ZNF664: variants seen among roughly 807,000 people sequenced by gnomAD.
ZNF664 encodes zinc finger protein 664.
Under a neutral mutation model 18.2 loss-of-function variants are expected in ZNF664, and 10 were observed. The ratio of observed to expected loss-of-function variants is 0.55; its 90% CI spans 0.34 to 0.93. The LOEUF (loss-of-function observed/expected upper bound fraction) is 0.93. Ranked by LOEUF, ZNF664 falls within the 40% of genes least tolerant of loss-of-function variation. The pLI is 0.02. For missense variants in ZNF664, 193 were observed against 319.0 expected, an observed-to-expected ratio of 0.61 and a Z score of 3.01; for synonymous variants, 119 against 104.2, an observed-to-expected ratio of 1.14 and a Z score of -0.86.
chr12:123,975,421 TAA>T (rs79980583), intron 2 of ZNF664, among the ~76,000 whole-genome samples: 102 of 138,532 alleles, frequency 7.4e-4, no homozygotes, highest in Non-Finnish European at 8.2e-4. Flanking sequence ...TCCTCTTCAT[TAA>T]AAAAAAAAAA....
chr12:124,013,486 C>T lies in ZNF664; in HGVS notation c.*556C>T, dbSNP rs1323414169. On this transcript the variant is annotated 3_prime_UTR_variant, in exon 5 of 5. Transcript: ENST00000337815. ...TCAAAATCCCCATAAATATCCATCC[C>T]TTCCTAGATGGCATTAACTTTCATT... is the stretch of plus-strand genomic sequence containing the variant. 1 of 170,272 alleles carries T rather than the reference C, an allele frequency of 5.9e-6. No homozygotes were observed. The highest frequency in any genetic ancestry group is 1.4e-5 in the Non-Finnish European group (1 of 70,130). 10.5% of individuals were successfully genotyped at this position (170,272 alleles called of 1,614,324 possible). A position where few individuals can be genotyped will look rare whatever the true frequency, so the allele number is the denominator to read the frequency against.
chr12:123,987,247 T>G (rs1956836150), intron 2 of ZNF664, among the ~76,000 whole-genome samples: 1 of 152,218 alleles, frequency 6.6e-6, no homozygotes, highest in Non-Finnish European at 1.5e-5. Flanking sequence ...CATCCACATG[T>G]AGATACGGCA....
chr12:124,003,252 A>C (rs1957033801), intron 3 of ZNF664, among the ~76,000 whole-genome samples: 1 of 152,060 alleles, frequency 6.6e-6, no homozygotes, highest in Non-Finnish European at 1.5e-5. Context: ...CATTTGGAGA[A>C]GGCCCAGGAA....
At chr12:123,992,696 T>C (rs1420873349) in intron 3 of ZNF664, among the ~76,000 whole-genome samples, 1 of 152,174 alleles carries the variant, frequency 6.6e-6, no homozygotes, top group African/African-American at 2.4e-5. Flanking sequence ...TGATGTTCTT[T>C]TGAGGAGCCC....
At position 124,012,382 on chromosome 12, in the gene ZNF664, A is replaced by G; in HGVS notation, c.238A>G (p.Ile80Val). ...TTTKLNRHKKIHTVEKPYKCY... is the reference protein window; with the variant it reads ...TTTKLNRHKKVHTVEKPYKCY... Reference sequence around the variant, plus strand: ...AACAAAACTTAATAGACATAAGAAAATCCACACAGTGGAGAAGCCCTATAA... The same window carrying G: ...AACAAAACTTAATAGACATAAGAAAGTCCACACAGTGGAGAAGCCCTATAA... The change falls in exon 5 of 5, where the codon ATC becomes GTC. Residue 80 changes from isoleucine (I) to valine (V), a missense_variant. Coordinates refer to ENST00000337815, the MANE Select transcript of ZNF664 (RefSeq NM_152437.3). 6.2e-7 allele frequency: 1 copy of G among 1,614,234 alleles called. No homozygotes were observed. Among genetic ancestry groups the G allele is most frequent in the Non-Finnish European group, 8.5e-7 (1 of 1,180,046 alleles).
In ZNF664 at chr12:124,015,302, T is replaced by A. The variant is rs1292911653; in HGVS notation, c.*2372T>A. The stretch of plus-strand genomic sequence containing the variant: ...TTTATCATGCTGTTGCTGGGGAATA[T>A]GACTAACCCTTTTGAAGCTACTAAT... On this transcript the variant is annotated 3_prime_UTR_variant, in exon 5 of 5. Coordinates refer to ENST00000337815, the MANE Select transcript of ZNF664 (RefSeq NM_152437.3). 6.0e-6 allele frequency: 1 copy of A among 167,108 alleles called. No individual in the cohort carries two copies. The highest frequency in any genetic ancestry group is 1.9e-4 in the East Asian group (1 of 5,208). 10.4% of individuals were successfully genotyped at this position (167,108 alleles called of 1,614,324 possible). A position where few individuals can be genotyped will look rare whatever the true frequency, so the allele number is the denominator to read the frequency against.
Position 124,013,086 on chromosome 12 carries a change from C to G in ZNF664, c.*156C>G, listed in dbSNP as rs1268884862. 4.8e-6 allele frequency: 5 copies of G among 1,051,704 alleles called. No individual in the cohort carries two copies. In the East Asian group the frequency reaches 7.9e-5, roughly 17 times the overall value. 65.1% of individuals were successfully genotyped at this position (1,051,704 alleles called of 1,614,324 possible). A position where few individuals can be genotyped will look rare whatever the true frequency, so the allele number is the denominator to read the frequency against. On this transcript the variant is annotated 3_prime_UTR_variant, in exon 5 of 5. Coordinates refer to ENST00000337815, the MANE Select transcript of ZNF664 (RefSeq NM_152437.3). ...TGTGAGATTGATTTGTTGGTTCATG[C>G]CAAGTGTGTTCCACAGGTTGACTTT...
intron 3 of ZNF664, among the ~76,000 whole-genome samples, chr12:124,005,231 G>A (rs531123238): frequency 6.6e-6 from 1 of 152,274 alleles, no homozygotes; most frequent in South Asian, 2.1e-4. Flanking sequence ...TTGAACCCAG[G>A]TTAAGAAACC....
At chr12:123,973,782 C>G in intron 1 of ZNF664, 104 bp from the exon 2 acceptor site, 10 of 1,228,908 alleles carry the variant, frequency 8.1e-6, no homozygotes, top group Non-Finnish European at 1.0e-5. Context: ...TCTTGGAGCC[C>G]TTCCAGGCGG....
intron 3 of ZNF664, among the ~76,000 whole-genome samples, chr12:124,008,886 G>C (rs1957103547): frequency 6.6e-6 from 1 of 151,932 alleles, no homozygotes. Flanking sequence ...CTCTGGCTTT[G>C]AACCCAGCCA....
intron 3 of ZNF664, among the ~76,000 whole-genome samples, chr12:123,991,835 C>T (rs1161529132): frequency 2.0e-5 from 3 of 152,222 alleles, no homozygotes; most frequent in African/African-American, 7.2e-5. Context: ...CCTTCTCAGA[C>T]TTTCTTCTCA....
At chr12:123,994,385 C>G (rs1395852655) in intron 3 of ZNF664, among the ~76,000 whole-genome samples, 1 of 152,148 alleles carries the variant, frequency 6.6e-6, no homozygotes, top group Non-Finnish European at 1.5e-5. Context: ...TACTTACTAA[C>G]TCATTTATTT....
chr12:124,009,793 G>A (rs973487007), intron 3 of ZNF664, among the ~76,000 whole-genome samples: 9 of 152,260 alleles, frequency 5.9e-5, no homozygotes, highest in African/African-American at 2.2e-4. Context: ...TGGGATTACA[G>A]GCATGAGCCA....
chr12:123,991,623 G>A lies in ZNF664; in HGVS notation c.-661+3485G>A, dbSNP rs981649247. On this transcript the variant is annotated intron_variant, in intron 3 of 4. Coordinates refer to ENST00000337815, the MANE Select transcript of ZNF664 (RefSeq NM_152437.3). Reference sequence around the variant, plus strand: ...TTCATGTTTATTATCTTTAATTACCGCAGCAAAGTATTGTAGACATTATTA... The same window carrying A: ...TTCATGTTTATTATCTTTAATTACCACAGCAAAGTATTGTAGACATTATTA... Among the ~76,000 whole-genome samples the A allele has an allele frequency of 3.3e-5, 5 of 152,158 alleles. No homozygotes were observed. The East Asian group carries it at 5.8e-4, about 18-fold the overall frequency.
intron 3 of ZNF664, among the ~76,000 whole-genome samples, chr12:123,999,818 A>G (rs1197428420): frequency 6.6e-6 from 1 of 152,150 alleles, no homozygotes; most frequent in African/African-American, 2.4e-5. Flanking sequence ...TCTGTGTGGC[A>G]TTTGGTTTGA....
rs189677005 is a variant in ZNF664 at position 124,007,498 on chromosome 12, G to A, written c.-660-3883G>A. ...TCGCTGCCCTGCAGCCACTGCCTTC[G>A]CCTGCAGCCACTGCCTTTGCCTGCT... On this transcript the variant is annotated intron_variant, in intron 3 of 4. Transcript: ENST00000337815. 4.1e-3 allele frequency among the ~76,000 whole-genome samples: 620 copies of A among 150,582 alleles called. 3 individuals are homozygous for A. Among genetic ancestry groups the A allele is most frequent in the Middle Eastern group, 6.8e-3 (2 of 294 alleles).
rs1298122357 is a variant in ZNF664 at position 124,013,984 on chromosome 12, G to A, written c.*1054G>A. On this transcript the variant is annotated 3_prime_UTR_variant, in exon 5 of 5. Transcript: ENST00000337815. ...TTTCTTCATTCAACAAATATGTATT[G>A]AACACCTCCTATATGCCAGGCACTG... The A allele has an allele frequency of 4.2e-5, 7 of 166,948 alleles. No homozygotes were observed. The highest frequency in any genetic ancestry group is 7.3e-5 in the Non-Finnish European group (5 of 68,122). The allele number at this position is 166,948 out of a possible 1,614,324, so 10.3% of individuals were successfully genotyped here.
chr12:123,973,750 C>A lies in ZNF664; in HGVS notation c.-891-136C>A, dbSNP rs971976624. On this transcript the variant is annotated intron_variant, in intron 1 of 4. Coordinates refer to ENST00000337815, the MANE Select transcript of ZNF664 (RefSeq NM_152437.3). The stretch of plus-strand genomic sequence containing the variant: ...CCGAGGGAAGGGGGAGCGCTGCCGC[C>A]CTCGTCGCCCGTGGAGCCGCGTCTT... 4.9e-6 allele frequency: 6 copies of A among 1,220,122 alleles called. No individual in the cohort carries two copies. In the East Asian group the frequency reaches 1.9e-4, roughly 39 times the overall value. 75.6% of individuals were successfully genotyped at this position (1,220,122 alleles called of 1,614,324 possible).
Position 124,005,482 on chromosome 12 carries a change from AAT to A in ZNF664, c.-660-5898_-660-5897del, listed in dbSNP as rs1491464635. ...ATTTTGACTGGATGATAATTTATAGAATGTGTGTGTGTGTGTGTGTGTGTGTG... is the reference window on the plus strand; with the variant it reads ...ATTTTGACTGGATGATAATTTATAGAGTGTGTGTGTGTGTGTGTGTGTGTG... On this transcript the variant is annotated intron_variant, in intron 3 of 4. Transcript: ENST00000337815. 5.6e-3 allele frequency among the ~76,000 whole-genome samples: 516 copies of A among 91,926 alleles called. 1 individual carries two copies. Among genetic ancestry groups the A allele is most frequent in the South Asian group, 0.015 (44 of 2,978 alleles). 60.3% of individuals were successfully genotyped at this position (91,926 alleles called of 152,430 possible). A position where few individuals can be genotyped will look rare whatever the true frequency, so the allele number is the denominator to read the frequency against.
Sources: allele counts gnomAD v4.1 joint callset (sites outside exome capture counted in the v4.1 genomes callset), GRCh38; gene constraint gnomAD v4.1.1; transcripts MANE v1.5; gene names NCBI Gene and HGNC (gene_info 2026-07-23, HGNC 2026-07-21).